Variants in CEP192 observed in about 807,000 individuals in gnomAD.
The protein encoded by CEP192 is centrosomal protein 192, also known as centrosomal protein of 192 kDa.
CEP192 carries 151 observed loss-of-function variants against 271.8 expected under a neutral mutation model. That is an observed-to-expected ratio of 0.56 (90% confidence interval 0.49 to 0.64). CEP192 has a LOEUF of 0.64. CEP192 is among the 30% of genes least tolerant of loss of function. The probability of loss-of-function intolerance (pLI) is 0.00; values close to 1 mark genes in which losing one functional copy is unlikely to be tolerated. For synonymous variants in CEP192, 995 were observed against 1,076.5 expected, an observed-to-expected ratio of 0.92 and a Z score of 1.48; for missense variants, 2,910 against 3,020.5, an observed-to-expected ratio of 0.96 and a Z score of 0.86.
At chr18:13,070,936 C>A in intron 27 of CEP192, 103 bp from the exon 28 acceptor site, 2 of 878,270 alleles carry the variant, frequency 2.3e-6, no homozygotes, top group Non-Finnish European at 1.8e-6. Context: ...ATCATTGTAT[C>A]CCCAGCACCC....
chr18:13,049,143 C>T lies in CEP192; in HGVS notation c.2352C>T (p.Tyr784=), dbSNP rs2036635341. The part of the protein sequence containing the change: ...NGSNALDMEK[Y]LKKTEVSRYE... ...CCAATGCACTTGATATGGAGAAATACCTTAAAAAAACAGAAGTTAGTAGAT... is the reference window on the plus strand; with the variant it reads ...CCAATGCACTTGATATGGAGAAATATCTTAAAAAAACAGAAGTTAGTAGAT... Residue 784 remains tyrosine (Y), a synonymous_variant, in exon 16 of 45, where the codon TAC becomes TAT. Transcript: ENST00000506447. 1 of 1,613,714 alleles carries T rather than the reference C, an allele frequency of 6.2e-7. No homozygotes were observed. The highest frequency in any genetic ancestry group is 8.5e-7 in the Non-Finnish European group (1 of 1,179,908).
chr18:13,085,382 A>C (rs2038849712), intron 30 of CEP192, among the ~76,000 whole-genome samples: 1 of 119,274 alleles, frequency 8.4e-6, no homozygotes, highest in African/African-American at 3.2e-5. Flanking sequence ...TTTGCTGTGC[A>C]GAAGCTCTTT....
chr18:13,077,076 C>G (rs553619857), intron 30 of CEP192, among the ~76,000 whole-genome samples: 1 of 152,166 alleles, frequency 6.6e-6, no homozygotes, highest in Non-Finnish European at 1.5e-5. Context: ...AGCCACTGTG[C>G]CAAGCCTGAA....
At chr18:13,006,317 T>C (rs1599042639) in intron 3 of CEP192, among the ~76,000 whole-genome samples, 1 of 152,228 alleles carries the variant, frequency 6.6e-6, no homozygotes, top group East Asian at 1.9e-4. Context: ...CACTTGACCC[T>C]TGAACAACCC....
intron 9 of CEP192, among the ~76,000 whole-genome samples, chr18:13,026,420 C>T (rs946040317): frequency 5.3e-5 from 8 of 152,112 alleles, no homozygotes; most frequent in Middle Eastern, 3.4e-3. Flanking sequence ...GTGAGCTTCC[C>T]GGTATGTGGC....
Position 13,087,103 on chromosome 18 carries a change from T to A in CEP192, c.5703T>A (p.Asn1901Lys), listed in dbSNP as rs1382637411. Residue 1901 changes from asparagine to lysine, a missense_variant, in exon 31 of 45, where the codon AAT (asparagine) becomes AAA (lysine). Asn to Lys is a moderately conservative substitution (Grantham distance 94). Coordinates refer to ENST00000506447, the MANE Select transcript of CEP192 (RefSeq NM_032142.4). ...CTGACAGTTACATGGTAACAGTGAA[T>A]GGCTTAGTACCTGGCAAAGAAAGTA... The part of the protein sequence containing the change: ...KLSDSYMVTV[N>K]GLVPGKESKI... 1 of 1,613,750 alleles carries A rather than the reference T, an allele frequency of 6.2e-7. No individual in the cohort carries two copies. Among genetic ancestry groups the A allele is most frequent in the Non-Finnish European group, 8.5e-7 (1 of 1,179,746 alleles).
chr18:13,067,618 A>T lies in CEP192; in HGVS notation c.4489-213A>T, dbSNP rs191348300. ...CAAAGTAACAGCAGCTGAATTCTGTAGTATATTTGGGTACATAGACTACCT... is the reference window on the plus strand; with the variant it reads ...CAAAGTAACAGCAGCTGAATTCTGTTGTATATTTGGGTACATAGACTACCT... On this transcript the variant is annotated intron_variant, in intron 21 of 44. Coordinates refer to ENST00000506447, the MANE Select transcript of CEP192 (RefSeq NM_032142.4). 2.0e-5 allele frequency among the ~76,000 whole-genome samples: 3 copies of T among 152,344 alleles called. No homozygotes were observed. The East Asian group carries it at 5.8e-4, about 29-fold the overall frequency.
Position 13,113,688 on chromosome 18 carries a change from T to A in CEP192, c.7150T>A (p.Phe2384Ile). 12 of 1,612,386 alleles carry A rather than the reference T, an allele frequency of 7.4e-6. No homozygotes were observed. The highest frequency in any genetic ancestry group is 1.0e-5 in the Non-Finnish European group (12 of 1,179,234). The part of the protein sequence containing the change: ...KEPHMKHTLR[F>I]QLSGQSIEAE... ...GCCTCACATGAAACACACGTTGAGA[T>A]TCCAACTCTCTGGACAAGTGAGTAG... Residue 2384 changes from phenylalanine (F) to isoleucine (I), a missense_variant, in exon 41 of 45, where the codon TTC (phenylalanine) becomes ATC (isoleucine). Coordinates refer to ENST00000506447, the MANE Select transcript of CEP192 (RefSeq NM_032142.4).
In CEP192 at chr18:13,029,710, T is replaced by A. The variant is rs552097578; in HGVS notation, c.1098T>A (p.Asp366Glu). The change falls in exon 10 of 45, where the codon GAT becomes GAA. Residue 366 changes from aspartate to glutamate, a missense_variant. Physicochemically the swap from Asp to Glu is conservative, Grantham distance 45. Transcript: ENST00000506447. Reference sequence around the variant, plus strand: ...TGGTGAAGACCCTCAGGGCTATTGATGTGAAACTTAACTCTGATAATTTTC... The same window carrying A: ...TGGTGAAGACCCTCAGGGCTATTGAAGTGAAACTTAACTCTGATAATTTTC... ...DVLVKTLRAI[D>E]VKLNSDNFHD... The A allele has an allele frequency of 6.4e-7, 1 of 1,551,088 alleles. No homozygotes were observed. Among genetic ancestry groups the A allele is most frequent in the African/African-American group, 1.4e-5 (1 of 73,166 alleles).
At chr18:13,090,868 T>C (rs1429851955) in intron 33 of CEP192, among the ~76,000 whole-genome samples, 2 of 151,956 alleles carry the variant, frequency 1.3e-5, no homozygotes, top group Admixed American at 6.6e-5. Flanking sequence ...GTGGTGAAGA[T>C]TGTAGGGAAC....
chr18:12,999,387 T>C (rs757372725), intron 1 of CEP192, 34 bp from the exon 2 acceptor site: 138 of 1,400,344 alleles, frequency 9.9e-5, no homozygotes, highest in Non-Finnish European at 1.2e-4. Context: ...TTTATAGTAA[T>C]ATGTGACCTA....
chr18:13,093,187 C>T (rs1425996207), intron 34 of CEP192, among the ~76,000 whole-genome samples: 2 of 152,122 alleles, frequency 1.3e-5, no homozygotes, highest in Non-Finnish European at 2.9e-5. Flanking sequence ...AAACACTCTC[C>T]TGCATAGCCA....
At position 13,096,052 on chromosome 18, in the gene CEP192, C is replaced by G; in HGVS notation, c.6434-132C>G. 7.7e-6 allele frequency: 7 copies of G among 907,300 alleles called. No homozygotes were observed. In the South Asian group the frequency reaches 1.0e-4, roughly 14 times the overall value. 56.2% of individuals were successfully genotyped at this position (907,300 alleles called of 1,614,324 possible). ...GTTTACTACCAAGGATTGGAAATTT[C>G]TGTAATTGAGCAGTTGAGAAAGCAG... On this transcript the variant is annotated intron_variant, in intron 35 of 44. Coordinates refer to ENST00000506447, the MANE Select transcript of CEP192 (RefSeq NM_032142.4).
At chr18:13,117,855 A>G (rs2040503575) in intron 44 of CEP192, among the ~76,000 whole-genome samples, 1 of 152,208 alleles carries the variant, frequency 6.6e-6, no homozygotes, top group African/African-American at 2.4e-5. Flanking sequence ...CAGCGGTGCC[A>G]CAGTGCACAG....
chr18:13,057,656 C>G lies in CEP192; in HGVS notation c.4180C>G (p.Leu1394Val), dbSNP rs61740922. The G allele has an allele frequency of 1.1e-5, 17 of 1,614,050 alleles. No homozygotes were observed. The East Asian group carries it at 3.3e-4, about 32-fold the overall frequency. ...CCVGIASQTL[L>V]SVLNPTDRWL... The stretch of plus-strand genomic sequence containing the variant: ...TGTCGGGATCGCTTCCCAGACCCTC[C>G]TCAGTGTGCTTAATCCAACTGACCG... Residue 1394 changes from leucine (L) to valine (V), a missense_variant, in exon 20 of 45, where the codon CTC becomes GTC. Physicochemically the swap from Leu to Val is conservative, Grantham distance 32. Transcript: ENST00000506447.
At chr18:13,010,329 A>T (rs1224027266) in intron 4 of CEP192, among the ~76,000 whole-genome samples, 1 of 152,152 alleles carries the variant, frequency 6.6e-6, no homozygotes, top group Non-Finnish European at 1.5e-5. Context: ...CTAGTTCAGT[A>T]CTCAAAAGGA....
intron 19 of CEP192, among the ~76,000 whole-genome samples, chr18:13,057,088 C>G (rs530587377): frequency 1.3e-5 from 2 of 152,160 alleles, no homozygotes; most frequent in African/African-American, 2.4e-5. Flanking sequence ...GGGGCAGCTT[C>G]TCTCTGGGAG....
In CEP192 at chr18:13,049,209, TG is replaced by T; in HGVS notation, c.2419del (p.Asp807IlefsTer21). ...AAAACTTTTCAAGGGCTAGTATGTC[TG>T]ATACTTGGGATTTATCTTTGCCCAA... ...LENFSRASMS[D>X]TWDLSLPKEQ... On this transcript the variant is annotated frameshift_variant, in exon 16 of 45. Transcript: ENST00000506447. LOFTEE classifies it high-confidence loss of function. 1 of 1,614,084 alleles carries T rather than the reference TG, an allele frequency of 6.2e-7. No homozygotes were observed. Among genetic ancestry groups the T allele is most frequent in the Non-Finnish European group, 8.5e-7 (1 of 1,180,014 alleles).
intron 30 of CEP192, among the ~76,000 whole-genome samples, chr18:13,077,887 ATTTC>A (rs1410085254): frequency 6.6e-6 from 1 of 152,196 alleles, no homozygotes; most frequent in African/African-American, 2.4e-5. Context: ...ATTTTGCTAT[ATTTC>A]TTCTCCCACA....
Sources: gnomAD v4.1 joint callset for allele counts (sites outside exome capture counted in the v4.1 genomes callset) on GRCh38, gnomAD v4.1.1 for gene constraint, MANE v1.5 for transcripts, NCBI Gene and HGNC (gene_info 2026-07-23, HGNC 2026-07-21) for gene names.